PARD3B: variants seen among roughly 807,000 people sequenced by gnomAD.
PARD3B encodes par-3 family cell polarity regulator beta.
PARD3B carries 103 observed loss-of-function variants against 130.2 expected under a neutral mutation model. That is an observed-to-expected ratio of 0.79 (90% CI 0.67 to 0.93). The LOEUF (loss-of-function observed/expected upper bound fraction) is 0.93. Among genes scored for constraint, PARD3B ranks in the 40% least tolerant of loss-of-function variants. PARD3B has a pLI of 0.00. For missense variants in PARD3B, 1,609 were observed against 1,499.2 expected, an observed-to-expected ratio of 1.07 and a Z score of -1.21; for synonymous variants, 583 against 553.2, an observed-to-expected ratio of 1.05 and a Z score of -0.76.
chr2:205,392,681 C>A (rs908087019), intron 18 of PARD3B, among the ~76,000 whole-genome samples: 1 of 152,152 alleles, frequency 6.6e-6, no homozygotes, highest in Admixed American at 6.6e-5. Context: ...CTTGTGTACA[C>A]ATCCTACAAG....
At chr2:205,398,706 C>T (rs966152853) in intron 18 of PARD3B, among the ~76,000 whole-genome samples, 1 of 152,202 alleles carries the variant, frequency 6.6e-6, no homozygotes, top group Non-Finnish European at 1.5e-5. Flanking sequence ...AGGTGTGATA[C>T]TCAGAGCTCC....
At chr2:204,789,872 CTT>C (rs386392368) in intron 2 of PARD3B, among the ~76,000 whole-genome samples, 22 of 139,308 alleles carry the variant, frequency 1.6e-4, no homozygotes, top group Non-Finnish European at 1.6e-4. Context: ...TAGTTTTCTT[CTT>C]TTTTTTTTTT....
rs11897823 is a variant in PARD3B at position 205,041,940 on chromosome 2, C to T, written c.395-5641C>T. 5.9e-3 allele frequency among the ~76,000 whole-genome samples: 891 copies of T among 152,218 alleles called. 14 individuals are homozygous for T. The highest frequency in any genetic ancestry group is 0.021 in the African/African-American group (855 of 41,526). On this transcript the variant is annotated intron_variant, in intron 3 of 22. Coordinates refer to ENST00000406610, the MANE Select transcript of PARD3B (RefSeq NM_001302769.2). ...CATATTATTAAATGACGTCACCTGT[C>T]ATTTAAGCCATCTCCATCCCAAACA...
chr2:204,893,828 T>C (rs191672183), intron 2 of PARD3B, among the ~76,000 whole-genome samples: 5 of 152,300 alleles, frequency 3.3e-5, no homozygotes, highest in African/African-American at 1.2e-4. Context: ...GACTGTGCCT[T>C]ATGAATAGAA....
intron 10 of PARD3B, among the ~76,000 whole-genome samples, chr2:205,148,049 A>G (rs1343332013): frequency 6.6e-6 from 1 of 152,086 alleles, no homozygotes; most frequent in Non-Finnish European, 1.5e-5. Context: ...GCTAGACAAT[A>G]TAGAGTATAT....
intron 1 of PARD3B, among the ~76,000 whole-genome samples, chr2:204,605,711 C>T (rs769375667): frequency 2.6e-5 from 4 of 151,802 alleles, no homozygotes; most frequent in Admixed American, 2.0e-4. Flanking sequence ...TTTTGTCATC[C>T]GTAAAAAAGA....
chr2:205,440,234 C>A lies in PARD3B; in HGVS notation c.2742-136C>A. The A allele has an allele frequency of 1.2e-6, 1 of 819,354 alleles. No homozygotes were observed. Among genetic ancestry groups the A allele is most frequent in the Non-Finnish European group, 1.9e-6 (1 of 525,706 alleles). 50.8% of individuals were successfully genotyped at this position (819,354 alleles called of 1,614,324 possible). ...TCTTCTTATGCTGTTGGCATTTCTGCATGCTGTGATCTTGAGTAAACAGGA... is the reference window on the plus strand; with the variant it reads ...TCTTCTTATGCTGTTGGCATTTCTGAATGCTGTGATCTTGAGTAAACAGGA... On this transcript the variant is annotated intron_variant, in intron 19 of 22. Transcript: ENST00000406610. This position sits in a 1 kb window ranked among gnomAD's most constrained non-coding sequence, Gnocchi z 4.2.
At chr2:205,025,571 C>T (rs1232575542) in intron 3 of PARD3B, among the ~76,000 whole-genome samples, 1 of 152,098 alleles carries the variant, frequency 6.6e-6, no homozygotes, top group East Asian at 1.9e-4. Context: ...TTCTCTTGGG[C>T]AGTCTGAATT....
At chr2:205,139,479 T>G (rs2032767525) in intron 10 of PARD3B, among the ~76,000 whole-genome samples, 2 of 152,216 alleles carry the variant, frequency 1.3e-5, no homozygotes, top group South Asian at 4.1e-4. Context: ...TCAGTGTAAT[T>G]ATTAATGCAA....
chr2:205,009,485 C>T (rs1695536064), intron 3 of PARD3B, among the ~76,000 whole-genome samples: 1 of 151,960 alleles, frequency 6.6e-6, no homozygotes, highest in South Asian at 2.1e-4. Context: ...TCCTGGCTAA[C>T]ACAGTGAAAC....
chr2:205,545,613 A>G (rs1031043920), intron 21 of PARD3B, among the ~76,000 whole-genome samples: 1 of 152,138 alleles, frequency 6.6e-6, no homozygotes, highest in African/African-American at 2.4e-5. Context: ...CCGTATTGCA[A>G]CTTTGCTTGG....
rs1402055845 is a variant in PARD3B at position 205,407,893 on chromosome 2, G to A, written c.2741+6770G>A. On this transcript the variant is annotated intron_variant, in intron 19 of 22. Coordinates refer to ENST00000406610, the MANE Select transcript of PARD3B (RefSeq NM_001302769.2). This position sits in a 1 kb window ranked among gnomAD's most constrained non-coding sequence, Gnocchi z 4.1. ...CATATCAGAGTTTATTTTGCAGGAAGCTCATTTGTTGTATTAATTAAACAT... is the reference window on the plus strand; with the variant it reads ...CATATCAGAGTTTATTTTGCAGGAAACTCATTTGTTGTATTAATTAAACAT... Among the ~76,000 whole-genome samples the A allele has an allele frequency of 6.6e-6, 1 of 152,064 alleles. No homozygotes were observed. Among genetic ancestry groups the A allele is most frequent in the African/African-American group, 2.4e-5 (1 of 41,398 alleles).
At chr2:204,773,387 C>CAT (rs201510432) in intron 2 of PARD3B, among the ~76,000 whole-genome samples, 3 of 151,262 alleles carry the variant, frequency 2.0e-5, no homozygotes, top group East Asian at 1.9e-4. Flanking sequence ...CAAATATTTG[C>CAT]ATATATATAT....
chr2:204,715,408 G>A (rs2038671071), intron 2 of PARD3B, among the ~76,000 whole-genome samples: 1 of 150,826 alleles, frequency 6.6e-6, no homozygotes, highest in Admixed American at 6.6e-5. Context: ...ACAAGAATTT[G>A]TATTTTCATT....
At position 205,125,801 on chromosome 2, in the gene PARD3B, A is replaced by G. The variant is rs2031322663; in HGVS notation, c.1434+64A>G. The stretch of plus-strand genomic sequence containing the variant: ...CGAGCTTAATACACTCAATGAACTC[A>G]TTATAGCTGAGAAACGAGTTCTAAA... On this transcript the variant is annotated intron_variant, in intron 10 of 22. Transcript: ENST00000406610. The surrounding 1 kb of genome is among the most constrained non-coding windows in gnomAD (Gnocchi z 4.0). 1.3e-6 allele frequency: 2 copies of G among 1,558,370 alleles called. No individual in the cohort carries two copies. Among genetic ancestry groups the G allele is most frequent in the African/African-American group, 1.4e-5 (1 of 73,214 alleles).
intron 12 of PARD3B, among the ~76,000 whole-genome samples, chr2:205,174,576 C>T (rs936739034): frequency 2.0e-5 from 3 of 152,282 alleles, no homozygotes; most frequent in Middle Eastern, 3.4e-3. Context: ...CATGTTTTTG[C>T]TGTATTCTCT....
At chr2:204,812,910 G>A (rs901631877) in intron 2 of PARD3B, among the ~76,000 whole-genome samples, 2 of 152,088 alleles carry the variant, frequency 1.3e-5, no homozygotes, top group Non-Finnish European at 2.9e-5. Context: ...GGGGTAGGGG[G>A]TCTCCTGCCA....
rs1363889019 is a variant in PARD3B at position 204,675,612 on chromosome 2, A to T, written c.121-10569A>T. ...GATCTGGACCTTTTCTTCTCAAATA[A>T]ATTTAGATTAATCCTAAAATGAAAA... On this transcript the variant is annotated intron_variant, in intron 1 of 22. Transcript: ENST00000406610. The surrounding 1 kb of genome is among the most constrained non-coding windows in gnomAD (Gnocchi z 4.4). 3.3e-5 allele frequency among the ~76,000 whole-genome samples: 5 copies of T among 152,146 alleles called. No individual in the cohort carries two copies. In the East Asian group the frequency reaches 9.6e-4, roughly 29 times the overall value.
At chr2:204,969,370 A>G (rs1691506031) in intron 3 of PARD3B, among the ~76,000 whole-genome samples, 1 of 152,192 alleles carries the variant, frequency 6.6e-6, no homozygotes, top group Non-Finnish European at 1.5e-5. Flanking sequence ...TGGTTATGCT[A>G]GTGTGGAAGA....
Sources: allele counts gnomAD v4.1 joint callset (sites outside exome capture counted in the v4.1 genomes callset), GRCh38; gene constraint gnomAD v4.1.1; non-coding constraint Gnocchi (gnomAD v3.1); transcripts MANE v1.5; gene names NCBI Gene and HGNC (gene_info 2026-07-23, HGNC 2026-07-21).